The following SORCS1 variants were observed in gnomAD, a reference collection of about 807,000 sequenced individuals.
SORCS1 encodes VPS10 domain-containing receptor SorCS1.
Under a neutral mutation model 146.1 loss-of-function variants are expected in SORCS1, and 60 were observed. That is an observed-to-expected ratio of 0.41 (90% confidence interval 0.33 to 0.51). The LOEUF is 0.51. Ranked by LOEUF, SORCS1 falls within the 20% of genes least tolerant of loss-of-function variation. SORCS1 has a pLI of 0.21. For missense variants in SORCS1, 1,352 were observed against 1,487.6 expected (o/e 0.91, Z 1.50); for synonymous variants, 637 against 584.0 (o/e 1.09, Z -1.31).
chr10:106,838,729 A>C (rs1349529463), intron 2 of SORCS1, among the ~76,000 whole-genome samples: 2 of 152,178 alleles, frequency 1.3e-5, no homozygotes, highest in Non-Finnish European at 2.9e-5. Flanking sequence ...CATTTTTTAC[A>C]AATTGGAATT....
chr10:106,793,825 T>A (rs895778981), intron 3 of SORCS1, among the ~76,000 whole-genome samples: 7 of 152,206 alleles, frequency 4.6e-5, no homozygotes, highest in Admixed American at 1.3e-4. Flanking sequence ...TACTGCTGAG[T>A]CTGACAATCA....
intron 16 of SORCS1, among the ~76,000 whole-genome samples, chr10:106,669,088 C>T (rs1851387582): frequency 6.6e-6 from 1 of 152,088 alleles, no homozygotes; most frequent in Admixed American, 6.6e-5. Flanking sequence ...GAATGCATTT[C>T]AGCTGGTGGG....
At chr10:106,764,794 C>T (rs113488292) in intron 4 of SORCS1, among the ~76,000 whole-genome samples, 9 of 152,070 alleles carry the variant, frequency 5.9e-5, no homozygotes, top group African/African-American at 1.2e-4. Context: ...GAGGGCGAGG[C>T]GGGCGGATCA....
intron 8 of SORCS1, among the ~76,000 whole-genome samples, chr10:106,701,091 C>A (rs908109355): frequency 6.6e-6 from 1 of 152,182 alleles, no homozygotes; most frequent in Non-Finnish European, 1.5e-5. Flanking sequence ...CTCCTGTACA[C>A]TTCAGATCAT....
At chr10:107,155,699 G>C (rs574043310) in intron 1 of SORCS1, among the ~76,000 whole-genome samples, 4 of 151,944 alleles carry the variant, frequency 2.6e-5, no homozygotes, top group Non-Finnish European at 5.9e-5. Context: ...TCCACCACCC[G>C]GCCCCAAACC....
At chr10:106,798,265 C>A (rs1326317407) in intron 3 of SORCS1, among the ~76,000 whole-genome samples, 1 of 152,172 alleles carries the variant, frequency 6.6e-6, no homozygotes, top group Non-Finnish European at 1.5e-5. Context: ...GTCCATTAAA[C>A]CTCTTTCTTT....
intron 2 of SORCS1, among the ~76,000 whole-genome samples, chr10:106,926,429 C>T (rs1953020098): frequency 6.6e-6 from 1 of 152,078 alleles, no homozygotes; most frequent in Non-Finnish European, 1.5e-5. Context: ...ACTGTCTCAT[C>T]TGAAAAGTGG....
chr10:106,783,278 T>C (rs1018736390), intron 3 of SORCS1, among the ~76,000 whole-genome samples: 3 of 152,214 alleles, frequency 2.0e-5, no homozygotes, highest in Non-Finnish European at 4.4e-5. Context: ...TATCATTATG[T>C]CCATTTGATA....
intron 2 of SORCS1, among the ~76,000 whole-genome samples, chr10:106,831,408 TGAAA>T (rs1234506266): frequency 2.6e-5 from 4 of 152,160 alleles, no homozygotes; most frequent in African/African-American, 7.2e-5. Context: ...CAATTTTATT[TGAAA>T]GAAAGAAATA....
chr10:107,131,808 A>G lies in SORCS1; in HGVS notation c.558+32161T>C, dbSNP rs544991925. Reference sequence around the variant, plus strand: ...GCTATCATGAAAATCCTCTGTGACAAAAATCCTCTGTGACTGAGTTATCGT... The same window carrying G: ...GCTATCATGAAAATCCTCTGTGACAGAAATCCTCTGTGACTGAGTTATCGT... On this transcript the variant is annotated intron_variant, in intron 1 of 25. Transcript: ENST00000263054. Among the ~76,000 whole-genome samples, 10 of 152,282 alleles carry G rather than the reference A, an allele frequency of 6.6e-5. No individual in the cohort carries two copies. The South Asian group carries it at 2.1e-3, about 32-fold the overall frequency.
chr10:106,792,309 T>C lies in SORCS1; in HGVS notation c.727-15617A>G, dbSNP rs538032915. On this transcript the variant is annotated intron_variant, in intron 3 of 25. Coordinates refer to ENST00000263054, the MANE Select transcript of SORCS1 (RefSeq NM_052918.5). ...TCTCCTTTTTGTACTATGTCATCAA[T>C]TCCCAGTCAAACCTTTCTGGTTATC... Among the ~76,000 whole-genome samples, 8 of 152,354 alleles carry C rather than the reference T, an allele frequency of 5.3e-5. 1 individual carries two copies. In the South Asian group the frequency reaches 1.7e-3, roughly 32 times the overall value.
chr10:106,910,332 T>C (rs59486779), intron 2 of SORCS1, among the ~76,000 whole-genome samples: 1 of 150,818 alleles, frequency 6.6e-6, no homozygotes, highest in Non-Finnish European at 1.5e-5. Flanking sequence ...TATATATATA[T>C]AGAGAGTGAG....
At chr10:106,997,765 A>G (rs561583102) in intron 1 of SORCS1, among the ~76,000 whole-genome samples, 6 of 152,330 alleles carry the variant, frequency 3.9e-5, no homozygotes, top group Non-Finnish European at 8.8e-5. Flanking sequence ...AAGACAGTAA[A>G]TAAATTCAAA....
chr10:106,934,739 G>T (rs1953621462), intron 2 of SORCS1, among the ~76,000 whole-genome samples: 1 of 152,056 alleles, frequency 6.6e-6, no homozygotes, highest in Admixed American at 6.5e-5. Flanking sequence ...CCATAAAAAA[G>T]AACAAAATAA....
At chr10:106,909,897 G>C (rs929461148) in intron 2 of SORCS1, among the ~76,000 whole-genome samples, 1 of 152,112 alleles carries the variant, frequency 6.6e-6, no homozygotes, top group African/African-American at 2.4e-5. Flanking sequence ...TGCTGATATG[G>C]GGGGAATGGT....
At chr10:106,878,458 C>T (rs1430809331) in intron 2 of SORCS1, among the ~76,000 whole-genome samples, 1 of 151,358 alleles carries the variant, frequency 6.6e-6, no homozygotes, top group African/African-American at 2.4e-5. Context: ...CTGGGATTAA[C>T]ACCCTTATTA....
intron 1 of SORCS1, among the ~76,000 whole-genome samples, chr10:107,019,014 A>T (rs1374521470): frequency 6.6e-6 from 1 of 152,180 alleles, no homozygotes; most frequent in African/African-American, 2.4e-5. Flanking sequence ...ACTCACTTTA[A>T]CAATCTGAGC....
chr10:106,576,556 A>G lies in SORCS1; in HGVS notation c.*864T>C, dbSNP rs1844587394. 6.6e-6 allele frequency: 1 copy of G among 152,060 alleles called. No individual in the cohort carries two copies. The highest frequency in any genetic ancestry group is 2.4e-5 in the African/African-American group (1 of 41,368). 9.4% of individuals were successfully genotyped at this position (152,060 alleles called of 1,614,324 possible). ...CTGCAAGGGGAGGCAATCATGGTGG[A>G]AAGAGGTGAACAGGAAACCAAGGTC... On this transcript the variant is annotated 3_prime_UTR_variant, in exon 26 of 26. Transcript: ENST00000263054.
chr10:106,778,101 A>C (rs1194136364), intron 3 of SORCS1, among the ~76,000 whole-genome samples: 1 of 152,162 alleles, frequency 6.6e-6, no homozygotes, highest in East Asian at 1.9e-4. Flanking sequence ...CTGAACAGTT[A>C]GTGTCATCTT....
Sources: allele counts gnomAD v4.1 joint callset (sites outside exome capture counted in the v4.1 genomes callset), GRCh38; gene constraint gnomAD v4.1.1; transcripts MANE v1.5; gene names NCBI Gene and HGNC (gene_info 2026-07-23, HGNC 2026-07-21).